Variants in LIPM observed in about 807,000 individuals in gnomAD.
The protein encoded by LIPM is lipase family member M, also known as lipase member M.
LIPM carries 42 observed loss-of-function variants against 42.4 expected under a neutral mutation model. That is an observed-to-expected ratio of 0.99 (90% CI 0.77 to 1.28). The LOEUF (loss-of-function observed/expected upper bound fraction) is 1.28, where lower values mean the gene tolerates loss of function less well. LIPM is among the 50% of genes most tolerant of loss of function. The probability of loss-of-function intolerance (pLI) is 0.00; values close to 1 mark genes in which losing one functional copy is unlikely to be tolerated. For missense variants in LIPM, 524 were observed against 520.1 expected, an observed-to-expected ratio of 1.01 and a Z score of -0.07; for synonymous variants, 177 against 173.3, an observed-to-expected ratio of 1.02 and a Z score of -0.17.
intron 1 of LIPM, 35 bp downstream of exon 1, chr10:88,803,078 C>T (rs1232702512): frequency 6.5e-7 from 1 of 1,541,262 alleles, no homozygotes; most frequent in East Asian, 2.4e-5. Flanking sequence ...AGGTACTTAA[C>T]ATGTTAACGT....
At chr10:88,810,510 CAAA>C (rs5786838) in intron 2 of LIPM, among the ~76,000 whole-genome samples, 3 of 137,058 alleles carry the variant, frequency 2.2e-5, no homozygotes, top group African/African-American at 8.0e-5. Context: ...TCTCCCATAT[CAAA>C]AAAAAAAAAA....
chr10:88,820,174 A>G, intron 8 of LIPM, 58 bp from the exon 9 acceptor site: 1 of 1,381,282 alleles, frequency 7.2e-7, no homozygotes, highest in Non-Finnish European at 9.8e-7. Flanking sequence ...TGAAACATAA[A>G]TTATGAGCCT....
chr10:88,816,454 A>G (rs1843719480), intron 6 of LIPM, among the ~76,000 whole-genome samples: 1 of 152,184 alleles, frequency 6.6e-6, no homozygotes, highest in South Asian at 2.1e-4. Flanking sequence ...AGATTAGTAT[A>G]CTAAGATTTA....
chr10:88,814,407 G>C (rs1843692281), intron 3 of LIPM, 123 bp from the exon 4 acceptor site: 2 of 649,270 alleles, frequency 3.1e-6, no homozygotes, highest in East Asian at 5.5e-5. Context: ...TGTTGTGAGG[G>C]ACACGGTAAC....
In LIPM at chr10:88,802,867, G is replaced by A. The variant is rs1368861921; in HGVS notation, c.-30G>A. ...TACTTTAGAATTAGTTGTTACATTG[G>A]CAGGAAAAAATAAATGCAGATGTTG... is the stretch of plus-strand genomic sequence containing the variant. On this transcript the variant is annotated 5_prime_UTR_variant, in exon 1 of 9. Transcript: ENST00000404743. The A allele has an allele frequency of 3.3e-6, 5 of 1,516,354 alleles. No homozygotes were observed. Among genetic ancestry groups the A allele is most frequent in the African/African-American group, 1.4e-5 (1 of 71,030 alleles). The allele number at this position is 1,516,354 out of a possible 1,614,324, so 93.9% of individuals were successfully genotyped here.
chr10:88,815,442 A>G lies in LIPM; in HGVS notation c.797A>G (p.Asp266Gly), dbSNP rs1434636925. 1.9e-6 allele frequency: 3 copies of G among 1,551,492 alleles called. No individual in the cohort carries two copies. The highest frequency in any genetic ancestry group is 2.0e-5 in the Admixed American group (1 of 50,996). The change falls in exon 6 of 9, where the codon GAT (aspartate) becomes GGT (glycine). Residue 266 changes from aspartate to glycine, a missense_variant. Asp to Gly is a moderately conservative substitution (Grantham distance 94). Transcript: ENST00000404743. The part of the protein sequence containing the change: ...VIYLCGQVIL[D>G]QICSNIMLLL... ...TACCTTTGTGGCCAGGTGATTCTTG[A>G]TCAGATTTGTAGTAATATCATGTTA...
intron 4 of LIPM, 139 bp from the exon 5 acceptor site, chr10:88,814,949 A>G: frequency 1.3e-6 from 1 of 774,296 alleles, no homozygotes; most frequent in South Asian, 2.1e-5. Flanking sequence ...CTGGTGTCAT[A>G]AGGACCTTAT....
intron 2 of LIPM, among the ~76,000 whole-genome samples, chr10:88,808,947 TTTTATTTTA>T (rs1843621598): frequency 6.8e-6 from 1 of 146,672 alleles, no homozygotes; most frequent in African/African-American, 2.6e-5. Context: ...TTTTATTTTA[TTTTATTTTA>T]TTTTATTTTA....
chr10:88,808,957 TTTTATTTTA>T (rs1437981156), intron 2 of LIPM, among the ~76,000 whole-genome samples: 4 of 130,082 alleles, frequency 3.1e-5, no homozygotes, highest in Non-Finnish European at 6.5e-5. Flanking sequence ...TTTTATTTTA[TTTTATTTTA>T]TTTTTGAGGT....
At chr10:88,817,738 T>C in intron 7 of LIPM, 87 bp from the exon 8 acceptor site, 2 of 854,172 alleles carry the variant, frequency 2.3e-6, no homozygotes, top group East Asian at 5.3e-5. Flanking sequence ...CCCTCATGAG[T>C]GCACACTGGG....
intron 4 of LIPM, 74 bp downstream of exon 4, chr10:88,814,713 T>G (rs1325763440): frequency 1.8e-6 from 2 of 1,129,668 alleles, no homozygotes; most frequent in East Asian, 5.1e-5. Flanking sequence ...CCCTGAAATC[T>G]GTCACCTTGT....
At position 88,815,441 on chromosome 10, in the gene LIPM, G is replaced by C. The variant is rs1386981066; in HGVS notation, c.796G>C (p.Asp266His). The C allele has an allele frequency of 1.3e-6, 2 of 1,551,442 alleles. No individual in the cohort carries two copies. Among genetic ancestry groups the C allele is most frequent in the South Asian group, 2.4e-5 (2 of 84,058 alleles). ...TTACCTTTGTGGCCAGGTGATTCTTGATCAGATTTGTAGTAATATCATGTT... is the reference window on the plus strand; with the variant it reads ...TTACCTTTGTGGCCAGGTGATTCTTCATCAGATTTGTAGTAATATCATGTT... ...VIYLCGQVIL[D>H]QICSNIMLLL... is the part of the protein sequence containing the mutation. The change falls in exon 6 of 9, where the codon GAT becomes CAT. Residue 266 changes from aspartate (D) to histidine (H), a missense_variant. Physicochemically the swap from Asp to His is moderately conservative, Grantham distance 81 (BLOSUM62 -1). Coordinates refer to ENST00000404743, the MANE Select transcript of LIPM (RefSeq NM_001128215.1).
At position 88,808,294 on chromosome 10, in the gene LIPM, A is replaced by G. The variant is rs755631117; in HGVS notation, c.148-4A>G. ...ACCTAAAAGAAATTGTGCTTTTTCC[A>G]TAGAGTGAAATCATCCAACATCAAG... On this transcript the variant is annotated splice_polypyrimidine_tract_variant and splice_region_variant and intron_variant, in intron 1 of 8. Coordinates refer to ENST00000404743, the MANE Select transcript of LIPM (RefSeq NM_001128215.1). 2 of 1,520,620 alleles carry G rather than the reference A, an allele frequency of 1.3e-6. No homozygotes were observed. The highest frequency in any genetic ancestry group is 2.8e-5 in the African/African-American group (2 of 72,442). The allele number at this position is 1,520,620 out of a possible 1,614,324, so 94.2% of individuals were successfully genotyped here.
chr10:88,820,275 C>T lies in LIPM; in HGVS notation c.1046C>T (p.Thr349Ile), dbSNP rs1176159441. The T allele has an allele frequency of 3.2e-6, 5 of 1,551,776 alleles. No individual in the cohort carries two copies. The highest frequency in any genetic ancestry group is 1.7e-4 in the Middle Eastern group (1 of 6,016). The change falls in exon 9 of 9, where the codon ACA becomes ATA. Residue 349 changes from threonine to isoleucine, a missense_variant. Coordinates refer to ENST00000404743, the MANE Select transcript of LIPM (RefSeq NM_001128215.1). ...AGAGTCAGAGATATGACGGTCCCTA[C>T]AGCAATGTGGACAGGAGGTCAGGAC... Reference protein sequence around the residue: ...RYRVRDMTVPTAMWTGGQDWL... With the variant: ...RYRVRDMTVPIAMWTGGQDWL...
At chr10:88,807,826 C>A (rs988087604) in intron 1 of LIPM, among the ~76,000 whole-genome samples, 2 of 152,178 alleles carry the variant, frequency 1.3e-5, no homozygotes, top group African/African-American at 4.8e-5. Flanking sequence ...ACCATCTTAT[C>A]TGTAACCTGA....
intron 3 of LIPM, 107 bp from the exon 4 acceptor site, chr10:88,814,423 G>A (rs1424008724): frequency 2.1e-5 from 15 of 697,960 alleles, no homozygotes; most frequent in Non-Finnish European, 3.7e-5. Flanking sequence ...GTAACAAGCT[G>A]TCAGAGTTGA....
At chr10:88,817,732 C>A in intron 7 of LIPM, 93 bp from the exon 8 acceptor site, 1 of 800,642 alleles carries the variant, frequency 1.2e-6, no homozygotes, top group Non-Finnish European at 2.1e-6. Context: ...CTCCTTCCCT[C>A]ATGAGTGCAC....
At chr10:88,807,649 A>G (rs1013913883) in intron 1 of LIPM, among the ~76,000 whole-genome samples, 5 of 152,234 alleles carry the variant, frequency 3.3e-5, no homozygotes, top group South Asian at 2.1e-4. Flanking sequence ...TTGTATATCC[A>G]TTTTTATAGT....
chr10:88,813,048 A>G, intron 2 of LIPM, 49 bp from the exon 3 acceptor site: 2 of 1,463,138 alleles, frequency 1.4e-6, no homozygotes, highest in Non-Finnish European at 1.9e-6. Context: ...ACTGGACAAC[A>G]AGAAAGGGAG....
Sources: allele counts gnomAD v4.1 joint callset (sites outside exome capture counted in the v4.1 genomes callset), GRCh38; gene constraint gnomAD v4.1.1; transcripts MANE v1.5; gene names NCBI Gene and HGNC (gene_info 2026-07-23, HGNC 2026-07-21).